ABCB1: variants seen among roughly 807,000 people sequenced by gnomAD.
ABCB1 encodes ATP binding cassette subfamily B member 1, also known as ATP-dependent translocase ABCB1.
In ABCB1, 69 loss-of-function variants were observed where a neutral mutation model predicts 142.0. That is an observed-to-expected ratio of 0.49 (90% CI 0.40 to 0.59). The LOEUF (loss-of-function observed/expected upper bound fraction) is 0.59. ABCB1 is among the 20% of genes least tolerant of loss of function. The pLI is 0.00. For synonymous variants in ABCB1, 532 were observed against 539.2 expected, an observed-to-expected ratio of 0.99 and a Z score of 0.18; for missense variants, 1,326 against 1,554.7, an observed-to-expected ratio of 0.85 and a Z score of 2.47.
At chr7:87,577,341 A>G (rs1818311486) in intron 4 of ABCB1, among the ~76,000 whole-genome samples, 2 of 152,118 alleles carry the variant, frequency 1.3e-5, no homozygotes, top group Middle Eastern at 3.2e-3. Flanking sequence ...GTTGCTCCCA[A>G]ATCCTGGCTA....
intron 2 of ABCB1, among the ~76,000 whole-genome samples, chr7:87,597,922 G>C (rs1309634324): frequency 6.6e-6 from 1 of 152,018 alleles, no homozygotes; most frequent in Non-Finnish European, 1.5e-5. Flanking sequence ...ACTACGTTTG[G>C]TAGTTATATC....
chr7:87,594,263 T>C (rs1230246534), intron 3 of ABCB1, among the ~76,000 whole-genome samples: 1 of 152,166 alleles, frequency 6.6e-6, no homozygotes, highest in Non-Finnish European at 1.5e-5. Flanking sequence ...AGTTTCTTCA[T>C]GTGTAAAACT....
At position 87,545,955 on chromosome 7, in the gene ABCB1, C is replaced by T. The variant is rs2235036; in HGVS notation, c.1795G>A (p.Ala599Thr). ...LSTVRNADVI[A>T]GFDDGVIVEK... ...ACAATGACTCCATCATCGAAACCAG[C>T]GATGACGTCAGCATTACGAACTGTA... Residue 599 changes from alanine (A) to threonine (T), a missense_variant, in exon 15 of 28, where the codon GCT (alanine) becomes ACT (threonine). Physicochemically the swap from Ala to Thr is moderately conservative, Grantham distance 58 (BLOSUM62 0). Transcript: ENST00000622132. 2.3e-5 allele frequency: 37 copies of T among 1,614,074 alleles called. 1 individual carries two copies. Among genetic ancestry groups the T allele is most frequent in the Admixed American group, 1.2e-4 (7 of 60,028 alleles).
intron 8 of ABCB1, among the ~76,000 whole-genome samples, chr7:87,556,374 C>G (rs1310993830): frequency 2.0e-5 from 3 of 152,146 alleles, no homozygotes; most frequent in Non-Finnish European, 2.9e-5. Context: ...CAAAACTATT[C>G]TATACGATTG....
chr7:87,637,035 G>A (rs931815213), intron 1 of ABCB1, among the ~76,000 whole-genome samples: 5 of 152,110 alleles, frequency 3.3e-5, no homozygotes, highest in South Asian at 4.1e-4. Flanking sequence ...ATCAGCTCTC[G>A]TGAGCTCTTA....
chr7:87,632,150 G>C (rs1007235329), intron 1 of ABCB1, among the ~76,000 whole-genome samples: 1 of 149,902 alleles, frequency 6.7e-6, no homozygotes, highest in Admixed American at 6.7e-5. Flanking sequence ...TCATTCTAGT[G>C]TATCCACTTA....
At chr7:87,532,077 C>A (rs753502364) in intron 20 of ABCB1, among the ~76,000 whole-genome samples, 4 of 152,080 alleles carry the variant, frequency 2.6e-5, no homozygotes, top group Non-Finnish European at 4.4e-5. Context: ...AGCTCTAAAG[C>A]CAGAAGTCAA....
At chr7:87,648,552 C>T (rs1823258655) in intron 1 of ABCB1, among the ~76,000 whole-genome samples, 1 of 151,482 alleles carries the variant, frequency 6.6e-6, no homozygotes, top group African/African-American at 2.4e-5. Context: ...AAGAGGCTTA[C>T]ACTATATCTT....
intron 1 of ABCB1, among the ~76,000 whole-genome samples, chr7:87,651,466 T>C (rs1339257049): frequency 1.3e-5 from 2 of 152,136 alleles, no homozygotes; most frequent in African/African-American, 4.8e-5. Flanking sequence ...CTCTGAATTT[T>C]AGATTCTTTA....
At chr7:87,562,979 T>C (rs1817630475) in intron 7 of ABCB1, among the ~76,000 whole-genome samples, 1 of 152,084 alleles carries the variant, frequency 6.6e-6, no homozygotes, top group Non-Finnish European at 1.5e-5. Flanking sequence ...CACAACACAG[T>C]CATGATGCAG....
chr7:87,665,367 G>A (rs1825120089), intron 1 of ABCB1, among the ~76,000 whole-genome samples: 2 of 151,956 alleles, frequency 1.3e-5, no homozygotes, highest in African/African-American at 4.8e-5. Context: ...TACTTAGGAG[G>A]AAATTCAGGC....
chr7:87,628,940 G>A, intron 1 of ABCB1: 1 of 1,310,148 alleles, frequency 7.6e-7, no homozygotes, highest in Non-Finnish European at 9.8e-7. Context: ...TGATCACCGT[G>A]TGCAGGTACG....
intron 1 of ABCB1, among the ~76,000 whole-genome samples, chr7:87,614,411 GGAAA>G (rs983721966): frequency 5.3e-5 from 8 of 150,722 alleles, no homozygotes; most frequent in Non-Finnish European, 7.4e-5. Context: ...AAAGAAAAAG[GGAAA>G]GAAAGAAAGA....
At chr7:87,652,514 G>C (rs1228292811) in intron 1 of ABCB1, among the ~76,000 whole-genome samples, 1 of 151,636 alleles carries the variant, frequency 6.6e-6, no homozygotes, top group Non-Finnish European at 1.5e-5. Flanking sequence ...AATTCTACTT[G>C]TGTGACTAAG....
Position 87,687,926 on chromosome 7 carries a change from C to G in ABCB1, c.-331+25235G>C, listed in dbSNP as rs575132248. 2.6e-5 allele frequency among the ~76,000 whole-genome samples: 4 copies of G among 152,220 alleles called. No homozygotes were observed. The South Asian group carries it at 8.3e-4, about 32-fold the overall frequency. On this transcript the variant is annotated intron_variant, in intron 1 of 28. Coordinates refer to the ABCB1 transcript ENST00000265724. ...CCTGTTCATTTGGCTTTTGAGTTTT[C>G]TTTGTTCATTTTTGAAGATTTTCCA... is the stretch of plus-strand genomic sequence containing the variant.
At chr7:87,561,474 G>A (rs1817562218) in intron 7 of ABCB1, 87 bp from the exon 8 acceptor site, 2 of 1,329,330 alleles carry the variant, frequency 1.5e-6, no homozygotes, top group Non-Finnish European at 2.1e-6. Context: ...CATAAATGCT[G>A]CTTATACATT....
At chr7:87,670,658 G>A (rs911343084) in intron 1 of ABCB1, among the ~76,000 whole-genome samples, 2 of 152,144 alleles carry the variant, frequency 1.3e-5, no homozygotes, top group African/African-American at 4.8e-5. Context: ...TTCTCTTTTG[G>A]ATGTTTTCAC....
At chr7:87,522,433 A>G in intron 21 of ABCB1, 1 of 624,452 alleles carries the variant, frequency 1.6e-6, no homozygotes, top group Non-Finnish European at 3.0e-6. Context: ...CCAGGAAACA[A>G]ATCTTAGCAG....
intron 8 of ABCB1, among the ~76,000 whole-genome samples, chr7:87,556,864 C>A (rs1234704857): frequency 2.0e-5 from 3 of 152,098 alleles, no homozygotes; most frequent in Admixed American, 6.5e-5. Flanking sequence ...CCCTGCCCAC[C>A]CCAATCTCCC....
Sources: gnomAD v4.1 joint callset for allele counts (sites outside exome capture counted in the v4.1 genomes callset) on GRCh38, gnomAD v4.1.1 for gene constraint, MANE v1.5 for transcripts, NCBI Gene and HGNC (gene_info 2026-07-23, HGNC 2026-07-21) for gene names.